The following COL1A2 variants were observed in gnomAD, a reference collection of about 807,000 sequenced individuals.
COL1A2 encodes collagen type I alpha 2 chain.
A neutral mutation model predicts 174.3 loss-of-function variants in COL1A2; 49 were observed. That is an observed-to-expected ratio of 0.28 (90% CI 0.22 to 0.36). The LOEUF is 0.36. COL1A2 is among the 10% of genes least tolerant of loss of function. COL1A2 has a pLI of 1.00. For synonymous variants in COL1A2, 655 were observed against 606.6 expected (o/e 1.08, Z -1.17); for missense variants, 1,438 against 1,822.7 (o/e 0.79, Z 3.84).
chr7:94,404,522 G>A, intron 6 of COL1A2, 34 bp from the exon 7 acceptor site: 2 of 1,611,274 alleles, frequency 1.2e-6, no homozygotes, highest in Non-Finnish European at 1.7e-6. Context: ...CAACTTATCA[G>A]TGCTAACTGT....
rs771954175 is a variant in COL1A2 at position 94,426,068 on chromosome 7, G to A, written c.2997+17G>A. On this transcript the variant is annotated intron_variant, in intron 45 of 51. Coordinates refer to ENST00000297268, the MANE Select transcript of COL1A2 (RefSeq NM_000089.4). ...GGTCCTAGTGTATGTACATGCTGAAGATTTCTTTGCAACACTAACATTTAG... is the reference window on the plus strand; with the variant it reads ...GGTCCTAGTGTATGTACATGCTGAAAATTTCTTTGCAACACTAACATTTAG... 6.2e-7 allele frequency: 1 copy of A among 1,610,162 alleles called. No homozygotes were observed. The highest frequency in any genetic ancestry group is 8.5e-7 in the Non-Finnish European group (1 of 1,176,418).
chr7:94,413,294 C>T (rs191153850), intron 26 of COL1A2, among the ~76,000 whole-genome samples, 158 bp downstream of exon 26: 307 of 152,216 alleles, frequency 2.0e-3, no homozygotes, highest in African/African-American at 7.2e-3. Flanking sequence ...AAAAACCAAA[C>T]TTATAAAACA....
At chr7:94,419,173 G>T (rs1425228716) in intron 33 of COL1A2, among the ~76,000 whole-genome samples, 1 of 150,790 alleles carries the variant, frequency 6.6e-6, no homozygotes, top group Admixed American at 6.6e-5. Context: ...GAATCACGTA[G>T]TTCTAACAGT....
chr7:94,426,755 A>G, intron 46 of COL1A2: 1 of 629,484 alleles, frequency 1.6e-6, no homozygotes, highest in Non-Finnish European at 2.8e-6. Context: ...ATCTCCTGGT[A>G]ACAATGTCCT....
intron 22 of COL1A2, 46 bp downstream of exon 22, chr7:94,410,988 T>C (rs758194523): frequency 6.2e-7 from 1 of 1,610,878 alleles, no homozygotes; most frequent in South Asian, 1.1e-5. Flanking sequence ...TTGCTGCTTC[T>C]GGTGGTGGGT....
chr7:94,402,164 G>C (rs762625681), intron 6 of COL1A2, among the ~76,000 whole-genome samples: 1 of 151,996 alleles, frequency 6.6e-6, no homozygotes, highest in Non-Finnish European at 1.5e-5. Flanking sequence ...CTAGATGCCA[G>C]GCAAGATGTC....
chr7:94,417,713 T>A lies in COL1A2; in HGVS notation c.1864-11T>A. On this transcript the variant is annotated splice_polypyrimidine_tract_variant and intron_variant, in intron 31 of 51. Transcript: ENST00000297268. ...TCCACTAAAATTGATTTCACATGTG[T>A]TTGACTCAAGGGTGAACCTGGTGTG... 6.3e-7 allele frequency: 1 copy of A among 1,575,532 alleles called. No individual in the cohort carries two copies. The highest frequency in any genetic ancestry group is 1.2e-5 in the South Asian group (1 of 85,974).
In COL1A2 at chr7:94,430,612, T is replaced by G; in HGVS notation, c.*219T>G. 1 of 566,322 alleles carries G rather than the reference T, an allele frequency of 1.8e-6. No individual in the cohort carries two copies. Among genetic ancestry groups the G allele is most frequent in the South Asian group, 2.3e-5 (1 of 44,260 alleles). The allele number at this position is 566,322 out of a possible 1,614,324, so 35.1% of individuals were successfully genotyped here. On this transcript the variant is annotated 3_prime_UTR_variant, in exon 52 of 52. Coordinates refer to ENST00000297268, the MANE Select transcript of COL1A2 (RefSeq NM_000089.4). ...CCGCTCCCCCAAAAATTTGAATTTT[T>G]TTTTCAACACTCTTACACCTGTTAT...
Position 94,397,747 on chromosome 7 carries a change from G to A in COL1A2, c.71-1G>A. The A allele has an allele frequency of 1.5e-6, 2 of 1,294,680 alleles. No homozygotes were observed. Among genetic ancestry groups the A allele is most frequent in the Non-Finnish European group, 2.2e-6 (2 of 904,542 alleles). 80.2% of individuals were successfully genotyped at this position (1,294,680 alleles called of 1,614,324 possible). ...CTACTTTTTCTTTTTTTTTTCTACA[G>A]CTTTACAAGAGGTGAGTAAAACTTT... On this transcript the variant is annotated splice_acceptor_variant, in intron 1 of 51. Transcript: ENST00000297268. LOFTEE classifies it high-confidence loss of function.
At chr7:94,425,691 T>A in intron 43 of COL1A2, 28 bp downstream of exon 43, 5 of 1,614,108 alleles carry the variant, frequency 3.1e-6, no homozygotes, top group Non-Finnish European at 4.2e-6. Flanking sequence ...CTTTCTCTAA[T>A]TCAAAAGTGA....
intron 6 of COL1A2, 92 bp from the exon 7 acceptor site, chr7:94,404,464 C>A: frequency 7.5e-7 from 1 of 1,326,792 alleles, no homozygotes; most frequent in Non-Finnish European, 1.1e-6. Flanking sequence ...CAAACCACAA[C>A]AATGGCACTG....
rs1791556291 is a variant in COL1A2 at position 94,395,088 on chromosome 7, A to G, written c.57A>G (p.Leu19=). ...TGCTGCTTGCAGTAACCTTATGCCT[A>G]GCAACATGCCAATGTAAGTGCCTTC... ...TLLLLAVTLC[L]ATCQSLQEET... The change falls in exon 1 of 52, where the codon CTA becomes CTG. Residue 19 remains leucine (L), a synonymous_variant. Coordinates refer to ENST00000297268, the MANE Select transcript of COL1A2 (RefSeq NM_000089.4). The G allele has an allele frequency of 1.1e-5, 18 of 1,613,938 alleles. No individual in the cohort carries two copies. In the South Asian group the frequency reaches 1.9e-4, roughly 17 times the overall value.
intron 1 of COL1A2, among the ~76,000 whole-genome samples, chr7:94,395,382 G>A (rs907475978): frequency 7.9e-5 from 12 of 152,158 alleles, no homozygotes; most frequent in African/African-American, 2.9e-4. Flanking sequence ...CAAAGGGAGC[G>A]GAAGGTCTTT....
chr7:94,423,114 C>A lies in COL1A2; in HGVS notation c.2561C>A (p.Thr854Asn), dbSNP rs1313310356. ...AAGGGTCCCTCTGGAGAGGCTGGTA[C>A]TGCTGTAAGTGATTTCCAACTCCTC... ...GEKGPSGEAG[T>N]AGPPGTPGPQ... Residue 854 changes from threonine to asparagine, a missense_variant, in exon 40 of 52, where the codon ACT (threonine) becomes AAT (asparagine). Thr to Asn is a moderately conservative substitution (Grantham distance 65, BLOSUM62 0). Coordinates refer to ENST00000297268, the MANE Select transcript of COL1A2 (RefSeq NM_000089.4). 6.2e-7 allele frequency: 1 copy of A among 1,614,154 alleles called. No individual in the cohort carries two copies. The highest frequency in any genetic ancestry group is 8.5e-7 in the Non-Finnish European group (1 of 1,180,012).
Position 94,427,263 on chromosome 7 carries a change from A to G in COL1A2, c.3235A>G (p.Ile1079Val). 5 of 1,613,814 alleles carry G rather than the reference A, an allele frequency of 3.1e-6. No homozygotes were observed. The highest frequency in any genetic ancestry group is 4.2e-6 in the Non-Finnish European group (5 of 1,179,906). Residue 1079 changes from isoleucine to valine, a missense_variant, in exon 48 of 52, where the codon ATT becomes GTT. Physicochemically the swap from Ile to Val is conservative, Grantham distance 29. Transcript: ENST00000297268. Reference sequence around the variant, plus strand: ...TCCTGGTACAGTTGGACCTGCTGGCATTCGAGGCCCTCAGGGTCACCAAGG... The same window carrying G: ...TCCTGGTACAGTTGGACCTGCTGGCGTTCGAGGCCCTCAGGGTCACCAAGG... ...GHPGTVGPAG[I>V]RGPQGHQGPA...
chr7:94,405,800 C>A, intron 11 of COL1A2, 74 bp downstream of exon 11: 1 of 1,177,534 alleles, frequency 8.5e-7, no homozygotes, highest in South Asian at 1.2e-5. Context: ...TGTTTAAAAT[C>A]TTGGGTGACA....
At position 94,397,999 on chromosome 7, in the gene COL1A2, G is replaced by C. The variant is rs150662351; in HGVS notation, c.81+241G>C. Reference sequence around the variant, plus strand: ...TTATAAAATATTCATAAGAAATATAGAGTAAATAATCCAATAGAAGTTTGA... The same window carrying C: ...TTATAAAATATTCATAAGAAATATACAGTAAATAATCCAATAGAAGTTTGA... On this transcript the variant is annotated intron_variant, in intron 2 of 51. Transcript: ENST00000297268. Among the ~76,000 whole-genome samples the C allele has an allele frequency of 6.7e-4, 102 of 152,152 alleles. 1 individual carries two copies. Among genetic ancestry groups the C allele is most frequent in the African/African-American group, 2.3e-3 (94 of 41,556 alleles).
Position 94,429,215 on chromosome 7 carries a change from T to A in COL1A2, c.3739T>A (p.Ser1247Thr), listed in dbSNP as rs1423458445. 1.9e-6 allele frequency: 3 copies of A among 1,613,084 alleles called. No homozygotes were observed. The highest frequency in any genetic ancestry group is 2.5e-6 in the Non-Finnish European group (3 of 1,179,306). The change falls in exon 51 of 52, where the codon TCC becomes ACC. Residue 1247 changes from serine to threonine, a missense_variant. Transcript: ENST00000297268. ...QFEYNVEGVTSKEMATQLAFM... is the reference protein window; with the variant it reads ...QFEYNVEGVTTKEMATQLAFM... ...TGAATATAATGTAGAAGGAGTGACT[T>A]CCAAGGAAATGGCTACCCAACTTGC...
At chr7:94,419,458 G>C in intron 33 of COL1A2, 40 bp from the exon 34 acceptor site, 2 of 1,602,006 alleles carry the variant, frequency 1.2e-6, no homozygotes, top group Non-Finnish European at 1.7e-6. Context: ...TTGATGATAC[G>C]GGGTGTTATT....
Sources: allele counts gnomAD v4.1 joint callset (sites outside exome capture counted in the v4.1 genomes callset), GRCh38; gene constraint gnomAD v4.1.1; transcripts MANE v1.5; gene names NCBI Gene and HGNC (gene_info 2026-07-23, HGNC 2026-07-21).